GNB1: variants seen among roughly 807,000 people sequenced by gnomAD.
The protein encoded by GNB1 is guanine nucleotide-binding protein G(I)/G(S)/G(T) subunit beta-1.
GNB1 carries 2 observed loss-of-function variants against 42.9 expected under a neutral mutation model. That is an observed-to-expected ratio of 0.05 (90% confidence interval 0.02 to 0.15). The LOEUF is 0.15. Ranked by LOEUF, GNB1 falls within the 10% of genes least tolerant of loss-of-function variation. GNB1 has a pLI of 1.00. For synonymous variants in GNB1, 183 were observed against 174.7 expected, an observed-to-expected ratio of 1.05 and a Z score of -0.38; for missense variants, 193 against 462.2, an observed-to-expected ratio of 0.42 and a Z score of 5.34.
intron 8 of GNB1, among the ~76,000 whole-genome samples, chr1:1,791,321 G>A (rs1463592951): frequency 6.6e-6 from 1 of 152,026 alleles, no homozygotes; most frequent in Non-Finnish European, 1.5e-5. Context: ...ACAGGCATGC[G>A]CCACCATGCC....
intron 5 of GNB1, 103 bp downstream of exon 5, chr1:1,815,653 C>T: frequency 1.5e-6 from 1 of 651,558 alleles, no homozygotes; most frequent in Admixed American, 2.7e-5. Flanking sequence ...TTCCTAATTT[C>T]TTCACTGCAC....
intron 5 of GNB1, among the ~76,000 whole-genome samples, chr1:1,806,740 G>A (rs1646700267): frequency 6.6e-6 from 1 of 152,156 alleles, no homozygotes; most frequent in Non-Finnish European, 1.5e-5. Context: ...TTGGGAGGCT[G>A]AGGTGGGCAG....
chr1:1,803,850 C>T lies in GNB1; in HGVS notation c.430+569G>A, dbSNP rs189595790. Among the ~76,000 whole-genome samples, 105 of 151,070 alleles carry T rather than the reference C, an allele frequency of 7.0e-4. 1 individual carries two copies. The East Asian group carries it at 0.017, about 25-fold the overall frequency. ...TACAAAAATTAGCTGGGCGTGGTGG[C>T]GGACACCTGTGGTCCCAGCTACTTG... On this transcript the variant is annotated intron_variant, in intron 7 of 11. Transcript: ENST00000378609.
intron 5 of GNB1, among the ~76,000 whole-genome samples, chr1:1,808,236 C>T (rs1438309068): frequency 1.3e-5 from 2 of 151,890 alleles, no homozygotes; most frequent in Non-Finnish European, 2.9e-5. Flanking sequence ...ACTCCCGACC[C>T]TCAGGTGATC....
At chr1:1,817,747 G>C in intron 4 of GNB1, 90 bp downstream of exon 4, 1 of 845,230 alleles carries the variant, frequency 1.2e-6, no homozygotes, top group Non-Finnish European at 2.0e-6. Flanking sequence ...AACAGAGAAT[G>C]CAAGCAGAGC....
intron 7 of GNB1, among the ~76,000 whole-genome samples, chr1:1,796,432 G>A (rs1052374225): frequency 1.2e-4 from 19 of 152,258 alleles, no homozygotes; most frequent in African/African-American, 4.6e-4. Flanking sequence ...GAGGAAGAGT[G>A]AAAATTCCTC....
intron 2 of GNB1, 25 bp from the exon 3 acceptor site, chr1:1,825,524 C>A: frequency 3.7e-6 from 4 of 1,070,748 alleles, no homozygotes; most frequent in South Asian, 2.5e-5. Flanking sequence ...CAAGCACAAT[C>A]AATAAACAAC....
At chr1:1,879,859 A>G (rs1209570195) in intron 1 of GNB1, among the ~76,000 whole-genome samples, 1 of 152,152 alleles carries the variant, frequency 6.6e-6, no homozygotes, top group Non-Finnish European at 1.5e-5. Flanking sequence ...ACACAGTTTT[A>G]GCTGAAGTCT....
chr1:1,876,943 A>G (rs1041872911), intron 1 of GNB1, among the ~76,000 whole-genome samples: 2 of 152,124 alleles, frequency 1.3e-5, no homozygotes, highest in Non-Finnish European at 2.9e-5. Flanking sequence ...ATTACTACTC[A>G]TGTTTTCCAA....
chr1:1,867,554 A>AT (rs1275878635), intron 1 of GNB1, among the ~76,000 whole-genome samples: 2 of 152,212 alleles, frequency 1.3e-5, no homozygotes, highest in African/African-American at 4.8e-5. Flanking sequence ...AACTAATTTT[A>AT]TAATAAGCAT....
intron 5 of GNB1, among the ~76,000 whole-genome samples, chr1:1,812,309 C>T (rs1251216857): frequency 1.3e-5 from 2 of 150,442 alleles, no homozygotes; most frequent in Non-Finnish European, 3.0e-5. Context: ...AACAAATCTG[C>T]ACATTGTGCA....
chr1:1,832,063 CA>C (rs574314079), intron 2 of GNB1, among the ~76,000 whole-genome samples: 2,185 of 87,024 alleles, frequency 0.025, 36 homozygotes, highest in African/African-American at 0.076. Flanking sequence ...GACCTTGTCT[CA>C]AAAAAAAAAA....
intron 3 of GNB1, 152 bp from the exon 4 acceptor site, chr1:1,818,027 C>A (rs1646880523): frequency 3.2e-6 from 2 of 626,236 alleles, no homozygotes; most frequent in African/African-American, 1.8e-5. Flanking sequence ...CATCTCAACA[C>A]CCCATGGTCT....
At chr1:1,834,860 G>A (rs962488762) in intron 2 of GNB1, among the ~76,000 whole-genome samples, 1 of 151,860 alleles carries the variant, frequency 6.6e-6, no homozygotes, top group Non-Finnish European at 1.5e-5. Context: ...ATTAGAGACG[G>A]GGTTTCACCG....
At position 1,828,991 on chromosome 1, in the gene GNB1, T is replaced by C. The variant is rs140323481; in HGVS notation, c.-46-3492A>G. Among the ~76,000 whole-genome samples the C allele has an allele frequency of 2.0e-3, 307 of 152,308 alleles. 3 individuals are homozygous for C. Among genetic ancestry groups the C allele is most frequent in the South Asian group, 0.016 (77 of 4,826 alleles). On this transcript the variant is annotated intron_variant, in intron 2 of 11. Transcript: ENST00000378609. ...ACATAGAAGTGATAAGAAAAATCTA[T>C]TGTCAGGCATTTCAATTTTTTTAAA... is the stretch of plus-strand genomic sequence containing the variant.
At chr1:1,845,715 G>A (rs796605742) in intron 1 of GNB1, among the ~76,000 whole-genome samples, 4 of 152,088 alleles carry the variant, frequency 2.6e-5, no homozygotes, top group South Asian at 2.1e-4. Context: ...GGCACAACAC[G>A]GACTATCTGA....
chr1:1,795,442 G>A (rs72634849), intron 7 of GNB1, among the ~76,000 whole-genome samples: 2 of 152,276 alleles, frequency 1.3e-5, no homozygotes, highest in Non-Finnish European at 2.9e-5. Flanking sequence ...GGGACCAGGC[G>A]GAGGCACTCC....
intron 1 of GNB1, among the ~76,000 whole-genome samples, chr1:1,870,224 C>T (rs1303648155): frequency 6.6e-6 from 1 of 152,208 alleles, no homozygotes; most frequent in Non-Finnish European, 1.5e-5. Context: ...CAAGGTCTCA[C>T]TCTGGCACCC....
chr1:1,823,349 G>A (rs1570672131), intron 3 of GNB1, among the ~76,000 whole-genome samples: 1 of 151,160 alleles, frequency 6.6e-6, no homozygotes, highest in East Asian at 1.9e-4. Context: ...CAAAAACCCA[G>A]TTAGATTATT....
Sources: gnomAD v4.1 joint callset for allele counts (sites outside exome capture counted in the v4.1 genomes callset) on GRCh38, gnomAD v4.1.1 for gene constraint, MANE v1.5 for transcripts, NCBI Gene and HGNC (gene_info 2026-07-23, HGNC 2026-07-21) for gene names.